BIRC3: variants seen among roughly 807,000 people sequenced by gnomAD.
BIRC3 encodes the protein baculoviral IAP repeat containing 3, also known as baculoviral IAP repeat-containing protein 3.
A neutral mutation model predicts 59.0 loss-of-function variants in BIRC3; 26 were observed. The ratio of observed to expected loss-of-function variants is 0.44; its 90% CI spans 0.32 to 0.61. The LOEUF (loss-of-function observed/expected upper bound fraction) is 0.61, where lower values mean the gene tolerates loss of function less well. Among genes scored for constraint, BIRC3 ranks in the 20% least tolerant of loss-of-function variants. The pLI, the probability that BIRC3 is intolerant of heterozygous loss-of-function variation, is 0.04. For synonymous variants in BIRC3, 243 were observed against 249.2 expected, an observed-to-expected ratio of 0.98 and a Z score of 0.24; for missense variants, 641 against 711.5, an observed-to-expected ratio of 0.90 and a Z score of 1.13.
At chr11:102,330,124 A>T (rs1951124985) in intron 5 of BIRC3, among the ~76,000 whole-genome samples, 1 of 152,174 alleles carries the variant, frequency 6.6e-6, no homozygotes, top group Admixed American at 6.6e-5. Flanking sequence ...TTTCCAAAGG[A>T]AGTACTTGTC....
In BIRC3 at chr11:102,322,167, C is replaced by T. The variant is rs1423060407; in HGVS notation, c.-2343C>T. 6 of 206,196 alleles carry T rather than the reference C, an allele frequency of 2.9e-5. No individual in the cohort carries two copies. The East Asian group carries it at 3.7e-4, about 13-fold the overall frequency. 12.8% of individuals were successfully genotyped at this position (206,196 alleles called of 1,614,324 possible). A position where few individuals can be genotyped will look rare whatever the true frequency, so the allele number is the denominator to read the frequency against. On this transcript the variant is annotated 5_prime_UTR_variant, in exon 2 of 9. Coordinates refer to ENST00000263464, the MANE Select transcript of BIRC3 (RefSeq NM_001165.5). ...TTGGCCAGGCAGTCTCCTACTGGCA[C>T]ATTCTCCCATTATGTAGAATAGAAA...
At position 102,326,711 on chromosome 11, in the gene BIRC3, T is replaced by A. The variant is rs17878457; in HGVS notation, c.953+1146T>A. 7.7e-3 allele frequency: 3,510 copies of A among 454,762 alleles called. 17 individuals are homozygous for A. Among genetic ancestry groups the A allele is most frequent in the Non-Finnish European group, 0.01 (2,339 of 226,958 alleles). The allele number at this position is 454,762 out of a possible 1,614,324, so 28.2% of individuals were successfully genotyped here. A position where few individuals can be genotyped will look rare whatever the true frequency, so the allele number is the denominator to read the frequency against. On this transcript the variant is annotated intron_variant, in intron 3 of 8. Transcript: ENST00000263464. ...TCTTAACTTATTTTGATTACTTTTTTTCCTCTTTTCTTTTGAGATGGAGCC... is the reference window on the plus strand; with the variant it reads ...TCTTAACTTATTTTGATTACTTTTTATCCTCTTTTCTTTTGAGATGGAGCC...
chr11:102,317,995 C>G (rs889658138), intron 1 of BIRC3, among the ~76,000 whole-genome samples: 1 of 152,148 alleles, frequency 6.6e-6, no homozygotes, highest in African/African-American at 2.4e-5. Flanking sequence ...GGTAGGAAGA[C>G]AGCAGTTTTT....
At position 102,325,047 on chromosome 11, in the gene BIRC3, C is replaced by A. The variant is rs746558818; in HGVS notation, c.538C>A (p.Pro180Thr). Reference protein sequence around the residue: ...NARLLTFQTWPLTFLSPTDLA... With the variant: ...NARLLTFQTWTLTFLSPTDLA... ...CAGATTACTTACTTTTCAGACATGG[C>A]CATTGACTTTTCTGTCGCCAACAGA... The change falls in exon 2 of 9, where the codon CCA becomes ACA. Residue 180 changes from proline (P) to threonine (T), a missense_variant. This residue lies in a region of BIRC3 where 329 missense variants were observed against 365.6 expected (regional missense o/e 0.90). Transcript: ENST00000263464. The A allele has an allele frequency of 1.9e-6, 3 of 1,614,136 alleles. No individual in the cohort carries two copies. The highest frequency in any genetic ancestry group is 2.5e-6 in the Non-Finnish European group (3 of 1,180,014).
chr11:102,331,333 A>G, intron 6 of BIRC3, 92 bp downstream of exon 6: 1 of 1,280,124 alleles, frequency 7.8e-7, no homozygotes, highest in Non-Finnish European at 1.0e-6. Context: ...ATATCTGAAA[A>G]TATACTCAAT....
At chr11:102,321,439 C>A (rs1023870670) in intron 1 of BIRC3, among the ~76,000 whole-genome samples, 29 of 152,240 alleles carry the variant, frequency 1.9e-4, no homozygotes, top group African/African-American at 7.0e-4. Flanking sequence ...ACTGCAACCT[C>A]CACCTCCCAG....
intron 6 of BIRC3, 127 bp from the exon 7 acceptor site, chr11:102,335,839 C>A: frequency 2.2e-6 from 2 of 921,144 alleles, no homozygotes; most frequent in Non-Finnish European, 3.2e-6. Context: ...CTAAACCTAG[C>A]AATCAACATC....
intron 1 of BIRC3, chr11:102,320,062 T>A (rs1379222531): frequency 6.6e-6 from 1 of 151,162 alleles, no homozygotes; most frequent in Non-Finnish European, 1.5e-5. Flanking sequence ...AGAGACAGGG[T>A]TTCACCATGT....
chr11:102,335,795 A>G (rs1301353210), intron 6 of BIRC3, among the ~76,000 whole-genome samples, 171 bp from the exon 7 acceptor site: 2 of 152,106 alleles, frequency 1.3e-5, no homozygotes, highest in Admixed American at 1.3e-4. Context: ...TAATTATAAT[A>G]ACATTATTAT....
chr11:102,321,553 C>T (rs1296484849), intron 1 of BIRC3, among the ~76,000 whole-genome samples: 2 of 152,072 alleles, frequency 1.3e-5, no homozygotes, highest in Non-Finnish European at 2.9e-5. Flanking sequence ...TGGGGTTTCA[C>T]CATTTTGGCC....
At chr11:102,330,802 C>T (rs1951130281) in intron 5 of BIRC3, among the ~76,000 whole-genome samples, 197 bp from the exon 6 acceptor site, 1 of 152,066 alleles carries the variant, frequency 6.6e-6, no homozygotes, top group Non-Finnish European at 1.5e-5. Context: ...GTACAATATT[C>T]CAAGTTGTTA....
chr11:102,323,930 G>A lies in BIRC3; in HGVS notation c.-580G>A. 1 of 204,242 alleles carries A rather than the reference G, an allele frequency of 4.9e-6. No individual in the cohort carries two copies. Among genetic ancestry groups the A allele is most frequent in the Non-Finnish European group, 1.0e-5 (1 of 99,764 alleles). 12.7% of individuals were successfully genotyped at this position (204,242 alleles called of 1,614,324 possible). On this transcript the variant is annotated 5_prime_UTR_variant, in exon 2 of 9. It adds an upstream start codon to the 5' untranslated region. Coordinates refer to ENST00000263464, the MANE Select transcript of BIRC3 (RefSeq NM_001165.5). ...TTTTAAAATAGCCATCTTAGAATCAGTGAAATATGGTAATGTATTATTTTC... is the reference window on the plus strand; with the variant it reads ...TTTTAAAATAGCCATCTTAGAATCAATGAAATATGGTAATGTATTATTTTC...
At position 102,338,581 on chromosome 11, in the gene BIRC3, T is replaced by C. The variant is rs1951222702; in HGVS notation, c.*1479T>C. On this transcript the variant is annotated 3_prime_UTR_variant, in exon 9 of 9. Coordinates refer to ENST00000263464, the MANE Select transcript of BIRC3 (RefSeq NM_001165.5). ...ATGATCTAATGGGAATAGACACAGGTTGGGGACCCAGCAAGGCCTGTCTGT... is the reference window on the plus strand; with the variant it reads ...ATGATCTAATGGGAATAGACACAGGCTGGGGACCCAGCAAGGCCTGTCTGT... 1 of 228,806 alleles carries C rather than the reference T, an allele frequency of 4.4e-6. No homozygotes were observed. The highest frequency in any genetic ancestry group is 2.2e-5 in the African/African-American group (1 of 45,040). The allele number at this position is 228,806 out of a possible 1,614,324, so 14.2% of individuals were successfully genotyped here.
Position 102,324,703 on chromosome 11 carries a change from A to C in BIRC3, c.194A>C (p.Lys65Thr), listed in dbSNP as rs147902919. The change falls in exon 2 of 9, where the codon AAA (lysine) becomes ACA (threonine). Residue 65 changes from lysine to threonine, a missense_variant. Lys to Thr is a moderately conservative substitution (Grantham distance 78). Transcript: ENST00000263464. ...TACACTGGTGTGAATGACAAGGTCAAATGCTTCTGTTGTGGCCTGATGCTG... is the reference window on the plus strand; with the variant it reads ...TACACTGGTGTGAATGACAAGGTCACATGCTTCTGTTGTGGCCTGATGCTG... The part of the protein sequence containing the change: ...FYYTGVNDKV[K>T]CFCCGLMLDN... 6.2e-7 allele frequency: 1 copy of C among 1,614,182 alleles called. No homozygotes were observed. Among genetic ancestry groups the C allele is most frequent in the East Asian group, 2.2e-5 (1 of 44,886 alleles).
chr11:102,329,020 G>C, intron 5 of BIRC3, 75 bp downstream of exon 5: 1 of 844,004 alleles, frequency 1.2e-6, no homozygotes, highest in Non-Finnish European at 1.8e-6. Flanking sequence ...GTTGATAATA[G>C]TAATGTACCT....
chr11:102,331,080 T>A lies in BIRC3; in HGVS notation c.1163T>A (p.Met388Lys), dbSNP rs1238990244. 3.7e-6 allele frequency: 6 copies of A among 1,613,746 alleles called. No individual in the cohort carries two copies. The highest frequency in any genetic ancestry group is 4.2e-6 in the Non-Finnish European group (5 of 1,179,876). ...CCTGTGATTAATGCTGCCGTGGAAATGGGCTTTAGTAGAAGCCTGGTAAAA... is the reference window on the plus strand; with the variant it reads ...CCTGTGATTAATGCTGCCGTGGAAAAGGGCTTTAGTAGAAGCCTGGTAAAA... The part of the protein sequence containing the change: ...NTPVINAAVE[M>K]GFSRSLVKQT... The change falls in exon 6 of 9, where the codon ATG (methionine) becomes AAG (lysine). Residue 388 changes from methionine (M) to lysine (K), a missense_variant. Coordinates refer to ENST00000263464, the MANE Select transcript of BIRC3 (RefSeq NM_001165.5).
Position 102,325,067 on chromosome 11 carries a change from A to G in BIRC3, c.558A>G (p.Pro186=). The G allele has an allele frequency of 6.2e-7, 1 of 1,614,198 alleles. No homozygotes were observed. The highest frequency in any genetic ancestry group is 8.5e-7 in the Non-Finnish European group (1 of 1,180,018). Residue 186 remains proline, a synonymous_variant, in exon 2 of 9, where the codon CCA becomes CCG. Transcript: ENST00000263464. ...CATGGCCATTGACTTTTCTGTCGCC[A>G]ACAGATCTGGCAAAAGCAGGCTTTT... The part of the protein sequence containing the change: ...FQTWPLTFLS[P]TDLAKAGFYY...
In BIRC3 at chr11:102,324,580, AC is replaced by A; in HGVS notation, c.72del (p.Tyr24Ter). 4 of 1,614,176 alleles carry A rather than the reference AC, an allele frequency of 2.5e-6. No individual in the cohort carries two copies. The highest frequency in any genetic ancestry group is 3.4e-6 in the Non-Finnish European group (4 of 1,179,990). On this transcript the variant is annotated frameshift_variant, in exon 2 of 9. Coordinates refer to ENST00000263464, the MANE Select transcript of BIRC3 (RefSeq NM_001165.5). LOFTEE classifies it high-confidence loss of function. ...MKSANTFELK[Y>X]DLSCELYRMS... Reference sequence around the variant, plus strand: ...AGCGCCAACACGTTTGAACTGAAATACGACTTGTCATGTGAACTGTACCGAA... The same window carrying A: ...AGCGCCAACACGTTTGAACTGAAATAGACTTGTCATGTGAACTGTACCGAA...
In BIRC3 at chr11:102,327,835, TA is replaced by T. The variant is rs201544585; in HGVS notation, c.954-213del. On this transcript the variant is annotated intron_variant, in intron 3 of 8. Coordinates refer to ENST00000263464, the MANE Select transcript of BIRC3 (RefSeq NM_001165.5). ...AGTTTTAGAAAAAAAGTTTTTTTTT[TA>T]AAAGCAATACAATAGAATCAGTTCC... is the stretch of plus-strand genomic sequence containing the variant. Among the ~76,000 whole-genome samples, 991 of 152,188 alleles carry T rather than the reference TA, an allele frequency of 6.5e-3. 13 individuals carry two copies. The highest frequency in any genetic ancestry group is 0.023 in the African/African-American group (960 of 41,526).
Sources: gnomAD v4.1 joint callset for allele counts (sites outside exome capture counted in the v4.1 genomes callset) on GRCh38, gnomAD v4.1.1 for gene constraint, gnomAD v4.1.1 regional missense constraint, MANE v1.5 for transcripts, NCBI Gene and HGNC (gene_info 2026-07-23, HGNC 2026-07-21) for gene names.